Variants in FRS2 observed in about 807,000 individuals in gnomAD.
The protein encoded by FRS2 is fibroblast growth factor receptor substrate 2, also known as FGFR signalling adaptor.
Under a neutral mutation model 43.9 loss-of-function variants are expected in FRS2, and 8 were observed. The observed-to-expected ratio is 0.18, with a 90% CI of 0.11 to 0.33. FRS2 has a LOEUF of 0.33. Among genes scored for constraint, FRS2 ranks in the 10% least tolerant of loss-of-function variants. The pLI, the probability that FRS2 is intolerant of heterozygous loss-of-function variation, is 1.00. For missense variants in FRS2, 534 were observed against 627.6 expected (o/e 0.85, Z 1.59); for synonymous variants, 219 against 220.3 (o/e 0.99, Z 0.05).
intron 1 of FRS2, among the ~76,000 whole-genome samples, chr12:69,477,738 TTATTTATTTATTTA>T (rs1445069386): frequency 2.0e-5 from 3 of 147,982 alleles, no homozygotes; most frequent in African/African-American, 5.1e-5. Context: ...ATTTATTTAT[TTATTTATTTATTTA>T]TTTTTTGAGA....
At chr12:69,471,804 A>G (rs1448619202) in intron 1 of FRS2, among the ~76,000 whole-genome samples, 2 of 152,228 alleles carry the variant, frequency 1.3e-5, no homozygotes, top group African/African-American at 4.8e-5. Context: ...GAAACCAGTG[A>G]CGCTATCTGC....
chr12:69,532,483 G>C (rs1876901273), intron 3 of FRS2, among the ~76,000 whole-genome samples: 1 of 152,206 alleles, frequency 6.6e-6, no homozygotes, highest in South Asian at 2.1e-4. Flanking sequence ...GCATCCTCCA[G>C]AGGGGAGGAA....
At chr12:69,517,896 C>A (rs969604494) in intron 1 of FRS2, among the ~76,000 whole-genome samples, 1 of 152,100 alleles carries the variant, frequency 6.6e-6, no homozygotes, top group Non-Finnish European at 1.5e-5. Context: ...ATTTTCCCCC[C>A]ACTCTAAAAA....
chr12:69,561,691 G>T (rs1292409594), intron 3 of FRS2, among the ~76,000 whole-genome samples: 2 of 152,180 alleles, frequency 1.3e-5, no homozygotes, highest in Non-Finnish European at 2.9e-5. Flanking sequence ...TTTTGGAGGG[G>T]TCTTGTGGAA....
intron 3 of FRS2, among the ~76,000 whole-genome samples, chr12:69,538,234 TTA>T (rs10584446): frequency 0.13 from 13,465 of 101,634 alleles, 967 homozygotes; most frequent in Non-Finnish European, 0.17. Flanking sequence ...GCATTGCAGA[TTA>T]TATATATATA....
At chr12:69,541,083 C>T (rs1433501413) in intron 3 of FRS2, among the ~76,000 whole-genome samples, 1 of 152,060 alleles carries the variant, frequency 6.6e-6, no homozygotes, top group Non-Finnish European at 1.5e-5. Flanking sequence ...TAAAAAACCA[C>T]AAAACTGAGT....
chr12:69,558,057 T>TA (rs917443960), intron 3 of FRS2, among the ~76,000 whole-genome samples: 2 of 152,124 alleles, frequency 1.3e-5, no homozygotes, highest in Non-Finnish European at 2.9e-5. Context: ...TTTCTGTTCC[T>TA]AAAAAACAAA....
In FRS2 at chr12:69,569,017, C is replaced by G. The variant is rs781370399; in HGVS notation, c.-14C>G. The G allele has an allele frequency of 1.3e-6, 2 of 1,586,570 alleles. No homozygotes were observed. The highest frequency in any genetic ancestry group is 2.3e-5 in the South Asian group (2 of 88,884). ...ATTTTTCATGTAGTGCACACATGGT[C>G]TTCTGAAGAAGCCATGGGTAGCTGT... On this transcript the variant is annotated 5_prime_UTR_variant, in exon 5 of 9. Coordinates refer to ENST00000549921, the MANE Select transcript of FRS2 (RefSeq NM_001278356.2).
intron 1 of FRS2, among the ~76,000 whole-genome samples, chr12:69,476,753 C>CGGGGGGGGGGGGGGGGGGGGGGGAG (rs60543134): frequency 1.2e-5 from 1 of 80,110 alleles, no homozygotes; most frequent in Non-Finnish European, 2.5e-5. Flanking sequence ...GGGGGAGGGA[C>CGGGGGGGGGGGGGGGGGGGGGGGAG]GGGGGGGGGT....
intron 3 of FRS2, among the ~76,000 whole-genome samples, chr12:69,538,234 T>TTATA (rs10584446): frequency 5.0e-4 from 51 of 101,640 alleles, no homozygotes; most frequent in Admixed American, 5.0e-4. Flanking sequence ...GCATTGCAGA[T>TTATA]TATATATATA....
At chr12:69,533,745 A>T (rs1877023298) in intron 3 of FRS2, among the ~76,000 whole-genome samples, 1 of 152,092 alleles carries the variant, frequency 6.6e-6, no homozygotes, top group Non-Finnish European at 1.5e-5. Flanking sequence ...TGAAATGAGC[A>T]ATTTGATCTT....
chr12:69,502,178 C>T (rs747062348), intron 1 of FRS2, among the ~76,000 whole-genome samples: 2 of 152,072 alleles, frequency 1.3e-5, no homozygotes, highest in Non-Finnish European at 2.9e-5. Flanking sequence ...GTTGGCCAGG[C>T]TGGTCTTGAA....
chr12:69,534,447 C>G (rs933046029), intron 3 of FRS2, among the ~76,000 whole-genome samples: 1 of 152,204 alleles, frequency 6.6e-6, no homozygotes, highest in Non-Finnish European at 1.5e-5. Flanking sequence ...CAAGTTAAAT[C>G]AACCCCTGTA....
At chr12:69,532,578 C>T (rs1314903519) in intron 3 of FRS2, among the ~76,000 whole-genome samples, 1 of 152,142 alleles carries the variant, frequency 6.6e-6, no homozygotes, top group African/African-American at 2.4e-5. Flanking sequence ...TTAATTAGGT[C>T]ATGAGGAAGG....
At chr12:69,479,828 GA>G in intron 1 of FRS2, among the ~76,000 whole-genome samples, 1 of 152,258 alleles carries the variant, frequency 6.6e-6, no homozygotes, top group Admixed American at 6.5e-5. Flanking sequence ...TTTCAAATCT[GA>G]AGATTAGTGT....
intron 1 of FRS2, among the ~76,000 whole-genome samples, chr12:69,482,212 A>G (rs1871409978): frequency 2.6e-5 from 4 of 152,240 alleles, no homozygotes; most frequent in African/African-American, 7.2e-5. Flanking sequence ...TGCACATAGC[A>G]AAGGAAATTC....
rs550828203 is a variant in FRS2, at chr12:69,574,398, C to T, written c.970C>T (p.Arg324Cys). ...TAGTGCCTCAGGGGTCAGGAGAGGT[C>T]GTCTGACATCCACCAGTACCTCAGA... The part of the protein sequence containing the change: ...IPSASGVRRG[R>C]LTSTSTSDTQ... The change falls in exon 9 of 9, where the codon CGT (arginine) becomes TGT (cysteine). Residue 324 changes from arginine (R) to cysteine (C), a missense_variant. By Grantham distance (180) the Arg-to-Cys change is radical. Coordinates refer to ENST00000549921, the MANE Select transcript of FRS2 (RefSeq NM_001278356.2). The T allele has an allele frequency of 3.7e-6, 6 of 1,613,800 alleles. No individual in the cohort carries two copies. The highest frequency in any genetic ancestry group is 4.5e-5 in the East Asian group (2 of 44,882).
In FRS2 at chr12:69,577,571, T is replaced by C. The variant is rs1255525422; in HGVS notation, c.*2616T>C. On this transcript the variant is annotated 3_prime_UTR_variant, in exon 9 of 9. Coordinates refer to ENST00000549921, the MANE Select transcript of FRS2 (RefSeq NM_001278356.2). ...ATCCTTCTTTTTGGTTTTGGAAATA[T>C]AATCATTGTTAATGTTTTCCCTCCA... The C allele has an allele frequency of 6.6e-6, 1 of 152,648 alleles. No homozygotes were observed. The highest frequency in any genetic ancestry group is 2.4e-5 in the African/African-American group (1 of 41,466). 9.5% of individuals were successfully genotyped at this position (152,648 alleles called of 1,614,324 possible). A position where few individuals can be genotyped will look rare whatever the true frequency, so the allele number is the denominator to read the frequency against.
In FRS2 at chr12:69,571,847, T is replaced by A. The variant is rs541612693; in HGVS notation, c.413-271T>A. 1.3e-3 allele frequency among the ~76,000 whole-genome samples: 197 copies of A among 151,804 alleles called. 1 individual carries two copies. The highest frequency in any genetic ancestry group is 3.2e-3 in the Middle Eastern group (1 of 316). On this transcript the variant is annotated intron_variant, in intron 7 of 8. Transcript: ENST00000549921. ...CCACTGCATTCCAGCCTGGGCGACATAGCAAGACTCCGTCTCAAAAACAAA... is the reference window on the plus strand; with the variant it reads ...CCACTGCATTCCAGCCTGGGCGACAAAGCAAGACTCCGTCTCAAAAACAAA...
Sources: allele counts gnomAD v4.1 joint callset (sites outside exome capture counted in the v4.1 genomes callset), GRCh38; gene constraint gnomAD v4.1.1; transcripts MANE v1.5; gene names NCBI Gene and HGNC (gene_info 2026-07-23, HGNC 2026-07-21).